Variants in HEATR5B observed in about 807,000 individuals in gnomAD.
HEATR5B encodes HEAT repeat containing 5B.
In HEATR5B, 156 loss-of-function variants were observed where a neutral mutation model predicts 224.1. The ratio of observed to expected loss-of-function variants is 0.70; its 90% CI spans 0.61 to 0.80. The LOEUF (loss-of-function observed/expected upper bound fraction) is 0.80. Ranked by LOEUF, HEATR5B falls within the 30% of genes least tolerant of loss-of-function variation. HEATR5B has a pLI of 0.00. For synonymous variants in HEATR5B, 1,027 were observed against 893.0 expected, an observed-to-expected ratio of 1.15 and a Z score of -2.68; for missense variants, 2,323 against 2,535.5, an observed-to-expected ratio of 0.92 and a Z score of 1.80.
At position 36,981,719 on chromosome 2, in the gene HEATR5B, C is replaced by T. The variant is rs748660754; in HGVS notation, c.5987G>A (p.Ser1996Asn). The T allele has an allele frequency of 7.4e-6, 12 of 1,613,850 alleles. No individual in the cohort carries two copies. The African/African-American group carries it at 1.5e-4, about 20-fold the overall frequency. The change falls in exon 36 of 36, where the codon AGT (serine) becomes AAT (asparagine). Residue 1996 changes from serine (S) to asparagine (N), a missense_variant. Around this residue, in one of 12 missense-constraint regions of HEATR5B, gnomAD observed 844 missense variants for 812.9 expected, o/e 1.04. Coordinates refer to ENST00000233099, the MANE Select transcript of HEATR5B (RefSeq NM_019024.3). ...CTCATGAAGATCTTTGGAAGCTGAA[C>T]TTGCTGAGGCAAAAGAATTTTCATC... ...LLDENSFASA[S>N]SASKDLHEFA...
At chr2:37,077,587 C>T (rs1312310720) in intron 3 of HEATR5B, among the ~76,000 whole-genome samples, 3 of 152,254 alleles carry the variant, frequency 2.0e-5, no homozygotes, top group Non-Finnish European at 2.9e-5. Context: ...GGATTACAGG[C>T]GTGAGCCACA....
chr2:37,047,177 C>CA (rs531378377), intron 18 of HEATR5B, among the ~76,000 whole-genome samples: 5,454 of 136,598 alleles, frequency 0.04, 120 homozygotes, highest in Non-Finnish European at 0.058. Context: ...GATCCCATCT[C>CA]AAAAAAAAAA....
rs1667044884 is a variant in HEATR5B, at chr2:37,000,827, A to C, written c.5318-14T>G. The C allele has an allele frequency of 5.9e-6, 9 of 1,524,276 alleles. No homozygotes were observed. In the South Asian group the frequency reaches 1.0e-4, roughly 17 times the overall value. The allele number at this position is 1,524,276 out of a possible 1,614,324, so 94.4% of individuals were successfully genotyped here. On this transcript the variant is annotated splice_polypyrimidine_tract_variant and intron_variant, in intron 32 of 35. Transcript: ENST00000233099. ...TTGTCATACATCCTGAAAGAAAAACAAATCAGATCACCTCATAACTATTCA... is the reference window on the plus strand; with the variant it reads ...TTGTCATACATCCTGAAAGAAAAACCAATCAGATCACCTCATAACTATTCA...
chr2:37,006,646 A>T (rs1667438625), intron 29 of HEATR5B, among the ~76,000 whole-genome samples: 1 of 152,228 alleles, frequency 6.6e-6, no homozygotes, highest in Admixed American at 6.5e-5. Context: ...TGTCTCAAAC[A>T]AAAAACAAAA....
intron 17 of HEATR5B, among the ~76,000 whole-genome samples, chr2:37,051,427 T>A (rs1670543281): frequency 6.6e-6 from 1 of 150,856 alleles, no homozygotes; most frequent in Non-Finnish European, 1.5e-5. Flanking sequence ...TTGCTCATCA[T>A]ATTAAATGTC....
chr2:36,993,252 C>A (rs1041137076), intron 33 of HEATR5B, among the ~76,000 whole-genome samples: 4 of 151,970 alleles, frequency 2.6e-5, no homozygotes, highest in Non-Finnish European at 4.4e-5. Context: ...AAATTATGGG[C>A]CGGGTGCAGT....
At chr2:37,063,207 C>A (rs763409320) in intron 10 of HEATR5B, among the ~76,000 whole-genome samples, 4 of 152,274 alleles carry the variant, frequency 2.6e-5, no homozygotes, top group Admixed American at 6.5e-5. Flanking sequence ...TGGGCTAGCA[C>A]TGTTCTCGGT....
chr2:37,000,431 G>C (rs1451510346), intron 33 of HEATR5B, among the ~76,000 whole-genome samples, 155 bp downstream of exon 33: 1 of 152,132 alleles, frequency 6.6e-6, no homozygotes, highest in Non-Finnish European at 1.5e-5. Context: ...ATCCAGAAAA[G>C]AGTATTAAAG....
At chr2:37,041,762 T>TAAC (rs1389297664) in intron 18 of HEATR5B, among the ~76,000 whole-genome samples, 4 of 150,288 alleles carry the variant, frequency 2.7e-5, no homozygotes, top group Non-Finnish European at 5.9e-5. Flanking sequence ...ATAATATTAA[T>TAAC]AATAATAATA....
chr2:37,002,320 A>AG lies in HEATR5B; in HGVS notation c.5302dup (p.Leu1768ProfsTer32). ...CAATACCGTACCAGCGGGTGAACAA[A>AG]GGGATGGTAAATCAGAGAGTATGGT... On this transcript the variant is annotated frameshift_variant, in exon 32 of 36. Transcript: ENST00000233099. LOFTEE classifies it high-confidence loss of function. The AG allele has an allele frequency of 1.2e-6, 2 of 1,614,246 alleles. No homozygotes were observed.
intron 33 of HEATR5B, among the ~76,000 whole-genome samples, chr2:37,000,020 A>AAAAC (rs550873072): frequency 6.6e-6 from 1 of 151,920 alleles, no homozygotes; most frequent in African/African-American, 2.4e-5. Context: ...TCAAAAAAAC[A>AAAAC]AAACAAACAA....
chr2:36,988,866 A>T lies in HEATR5B; in HGVS notation c.5698-7T>A. On this transcript the variant is annotated splice_polypyrimidine_tract_variant and splice_region_variant and intron_variant, in intron 34 of 35. Transcript: ENST00000233099. ...GGTAACATTTGGCTTGAACCTATAT[A>T]AGAAGAACATATTATCAATTAACAT... 1 of 1,597,524 alleles carries T rather than the reference A, an allele frequency of 6.3e-7. No homozygotes were observed. The highest frequency in any genetic ancestry group is 8.6e-7 in the Non-Finnish European group (1 of 1,165,036).
chr2:37,002,181 C>A, intron 32 of HEATR5B, 125 bp downstream of exon 32: 1 of 1,073,362 alleles, frequency 9.3e-7, no homozygotes, highest in South Asian at 1.6e-5. Context: ...AAAAAAAGAC[C>A]AGCTTCTTAT....
At chr2:37,033,079 C>T (rs563073618) in intron 21 of HEATR5B, among the ~76,000 whole-genome samples, 1 of 152,044 alleles carries the variant, frequency 6.6e-6, no homozygotes, top group African/African-American at 2.4e-5. Flanking sequence ...CGGGTTTTCA[C>T]CACGTTGGCC....
In HEATR5B at chr2:37,049,725, G is replaced by C; in HGVS notation, c.2624C>G (p.Ala875Gly). Residue 875 changes from alanine to glycine, a missense_variant, in exon 18 of 36, where the codon GCT (alanine) becomes GGT (glycine). Transcript: ENST00000233099. ...NPILRCAAGE[A>G]LGRMAQVVGE... ...AACCACCTGAGCCATTCTTCCAAGA[G>C]CTTCCCCCGCTGCACAACGTAAGAT... The C allele has an allele frequency of 6.2e-7, 1 of 1,613,946 alleles. No homozygotes were observed. Among genetic ancestry groups the C allele is most frequent in the Non-Finnish European group, 8.5e-7 (1 of 1,179,994 alleles).
intron 34 of HEATR5B, 104 bp from the exon 35 acceptor site, chr2:36,988,963 A>C (rs912963664): frequency 3.8e-6 from 3 of 781,332 alleles, no homozygotes; most frequent in Non-Finnish European, 6.1e-6. Context: ...ATACTGCAGG[A>C]CAAAAATGGA....
In HEATR5B at chr2:37,064,859, C is replaced by G; in HGVS notation, c.1465G>C (p.Glu489Gln). The G allele has an allele frequency of 6.2e-7, 1 of 1,614,112 alleles. No individual in the cohort carries two copies. The highest frequency in any genetic ancestry group is 1.7e-5 in the Admixed American group (1 of 59,996). The change falls in exon 10 of 36, where the codon GAA becomes CAA. Residue 489 changes from glutamate to glutamine, a missense_variant. By Grantham distance (29) the Glu-to-Gln change is conservative. This residue lies in a region of HEATR5B where 502 missense variants were observed against 517.8 expected (regional missense o/e 0.97). Transcript: ENST00000233099. ...GAGGTCTTCAAGTTGTTGAGCCGTTCTGCACACCTGTCTAGAAATGGTGTC... is the reference window on the plus strand; with the variant it reads ...GAGGTCTTCAAGTTGTTGAGCCGTTGTGCACACCTGTCTAGAAATGGTGTC... The part of the protein sequence containing the change: ...QLTPFLDRCA[E>Q]RLNNLKTSPE...
intron 7 of HEATR5B, among the ~76,000 whole-genome samples, chr2:37,069,264 T>G (rs1355623438): frequency 2.0e-5 from 3 of 152,194 alleles, no homozygotes; most frequent in Non-Finnish European, 4.4e-5. Context: ...AAATAAACAC[T>G]GACTTAGAGC....
intron 15 of HEATR5B, among the ~76,000 whole-genome samples, chr2:37,057,016 A>G (rs1670955247): frequency 6.6e-6 from 1 of 152,196 alleles, no homozygotes; most frequent in Non-Finnish European, 1.5e-5. Context: ...GTCACAAAAC[A>G]AAACAAACTA....
Sources: allele counts gnomAD v4.1 joint callset (sites outside exome capture counted in the v4.1 genomes callset), GRCh38; gene constraint gnomAD v4.1.1; regional missense constraint gnomAD v4.1.1; transcripts MANE v1.5; gene names NCBI Gene and HGNC (gene_info 2026-07-23, HGNC 2026-07-21).